Variants in BCAT1 observed in about 807,000 individuals in gnomAD.
BCAT1 encodes the protein branched-chain-amino-acid aminotransferase, cytosolic.
In BCAT1, 48 loss-of-function variants were observed where a neutral mutation model predicts 52.4. The observed-to-expected ratio is 0.92, with a 90% confidence interval of 0.73 to 1.16. BCAT1 has a LOEUF of 1.16. BCAT1 is among the 50% of genes most tolerant of loss of function. The pLI is 0.00. For synonymous variants in BCAT1, 167 were observed against 161.3 expected (o/e 1.04, Z -0.27); for missense variants, 451 against 457.1 (o/e 0.99, Z 0.12).
At chr12:24,939,093 C>T (rs993928111) in intron 1 of BCAT1, among the ~76,000 whole-genome samples, 9 of 152,160 alleles carry the variant, frequency 5.9e-5, no homozygotes, top group African/African-American at 1.9e-4. Context: ...AGGCTAGTCT[C>T]GAACTCCTGG....
At chr12:24,874,696 AG>A (rs1414122376) in intron 5 of BCAT1, among the ~76,000 whole-genome samples, 1 of 152,178 alleles carries the variant, frequency 6.6e-6, no homozygotes, top group Non-Finnish European at 1.5e-5. Flanking sequence ...ATCTCTGGAG[AG>A]TTTGTTGAAT....
intron 5 of BCAT1, among the ~76,000 whole-genome samples, chr12:24,864,963 C>T (rs114315490): frequency 0.015 from 2,350 of 152,258 alleles, 63 homozygotes; most frequent in African/African-American, 0.054. Context: ...TCCACTAAAC[C>T]TCTCTTGTTT....
At chr12:24,846,734 G>A (rs777121268) in intron 6 of BCAT1, among the ~76,000 whole-genome samples, 1 of 152,130 alleles carries the variant, frequency 6.6e-6, no homozygotes, top group Non-Finnish European at 1.5e-5. Flanking sequence ...GCTCAATTTG[G>A]ATTTCGAATT....
intron 2 of BCAT1, among the ~76,000 whole-genome samples, chr12:24,896,273 T>C (rs1428324325): frequency 6.6e-6 from 1 of 152,214 alleles, no homozygotes; most frequent in Admixed American, 6.5e-5. Context: ...ATCCCTTTTC[T>C]CTCCCGTTGT....
intron 10 of BCAT1, among the ~76,000 whole-genome samples, chr12:24,828,719 A>G (rs533004404): frequency 5.9e-5 from 9 of 152,340 alleles, no homozygotes; most frequent in African/African-American, 2.2e-4. Flanking sequence ...ATCTAAAAGT[A>G]TACTGGCTGG....
chr12:24,836,742 C>A, intron 7 of BCAT1, 146 bp from the exon 8 acceptor site: 13 of 556,804 alleles, frequency 2.3e-5, no homozygotes, highest in Non-Finnish European at 2.9e-5. Context: ...TCAAATTTCC[C>A]AAATCAGTTC....
At chr12:24,862,253 G>A (rs1021207446) in intron 5 of BCAT1, among the ~76,000 whole-genome samples, 3 of 152,156 alleles carry the variant, frequency 2.0e-5, no homozygotes, top group Non-Finnish European at 2.9e-5. Context: ...TCTTGTGTGA[G>A]ATCCAAGAAT....
intron 5 of BCAT1, among the ~76,000 whole-genome samples, chr12:24,862,623 C>T (rs78378654): frequency 0.026 from 3,887 of 152,260 alleles, 139 homozygotes; most frequent in African/African-American, 0.089. Flanking sequence ...GTGTGTGCCA[C>T]CCCTTCGTGA....
intron 7 of BCAT1, among the ~76,000 whole-genome samples, chr12:24,837,107 G>A (rs945494116): frequency 6.4e-5 from 7 of 109,932 alleles, no homozygotes; most frequent in Non-Finnish European, 1.4e-4. Context: ...AAGGAAGGAA[G>A]AAAGAGAAGG....
intron 1 of BCAT1, among the ~76,000 whole-genome samples, chr12:24,917,195 C>CTTTTTTTTTT (rs60491814): frequency 3.9e-5 from 4 of 103,556 alleles, no homozygotes; most frequent in East Asian, 3.1e-4. Context: ...GAGCTTTGGA[C>CTTTTTTTTTT]TTTTTTTTTT....
chr12:24,823,434 C>T (rs1017742134), intron 10 of BCAT1, among the ~76,000 whole-genome samples: 7 of 152,134 alleles, frequency 4.6e-5, no homozygotes, highest in Non-Finnish European at 1.0e-4. Flanking sequence ...AGAATAGCCC[C>T]TGCATATGGC....
At chr12:24,866,293 GGGCCAGATTTCTCGCCA>G (rs1391470248) in intron 5 of BCAT1, among the ~76,000 whole-genome samples, 84 of 152,312 alleles carry the variant, frequency 5.5e-4, no homozygotes, top group African/African-American at 1.9e-3. Flanking sequence ...ATTTCTCGCC[GGGCCAGATTTCTCGCCA>G]GGCCTTAGCT....
chr12:24,915,441 A>G (rs568030550), intron 1 of BCAT1, among the ~76,000 whole-genome samples: 55 of 152,354 alleles, frequency 3.6e-4, no homozygotes, highest in African/African-American at 1.3e-3. Flanking sequence ...CGCCTGTCAG[A>G]GCAATAGGAA....
chr12:24,877,646 A>G (rs939734651), intron 5 of BCAT1, among the ~76,000 whole-genome samples: 2 of 152,152 alleles, frequency 1.3e-5, no homozygotes, highest in Non-Finnish European at 2.9e-5. Context: ...ATGCCAAGTA[A>G]TCCCAAGACC....
chr12:24,914,100 G>C (rs1348027656), intron 1 of BCAT1, among the ~76,000 whole-genome samples: 1 of 104,068 alleles, frequency 9.6e-6, no homozygotes, highest in South Asian at 3.0e-4. Flanking sequence ...TTTTTTTTTT[G>C]AGATGGGGTC....
chr12:24,823,476 C>G (rs149442533), intron 10 of BCAT1, among the ~76,000 whole-genome samples: 1 of 152,250 alleles, frequency 6.6e-6, no homozygotes, highest in Admixed American at 6.5e-5. Context: ...AAGAGTTAAA[C>G]AAGAACATTT....
At chr12:24,910,723 A>T (rs2139700969) in intron 1 of BCAT1, among the ~76,000 whole-genome samples, 1 of 152,344 alleles carries the variant, frequency 6.6e-6, no homozygotes, top group Non-Finnish European at 1.5e-5. Flanking sequence ...CTTCTTGATG[A>T]TCAAAATTGT....
At position 24,842,208 on chromosome 12, in the gene BCAT1, G is replaced by A; in HGVS notation, c.691C>T (p.Leu231Phe). The A allele has an allele frequency of 1.9e-6, 3 of 1,613,892 alleles. No homozygotes were observed. The highest frequency in any genetic ancestry group is 2.5e-6 in the Non-Finnish European group (3 of 1,179,852). The change falls in exon 7 of 11, where the codon CTT becomes TTT. Residue 231 changes from leucine to phenylalanine, a missense_variant. Coordinates refer to ENST00000261192, the MANE Select transcript of BCAT1 (RefSeq NM_005504.7). ...CKMGGNYGSS[L>F]FAQCEAVDNG... is the part of the protein sequence containing the mutation. ...TCTACTGCTTCACATTGGGCAAAAA[G>A]AGATGAGCCGTAATTCCTTTAAGAA...
chr12:24,884,707 T>C (rs996434943), intron 3 of BCAT1, among the ~76,000 whole-genome samples: 1 of 152,224 alleles, frequency 6.6e-6, no homozygotes, highest in African/African-American at 2.4e-5. Flanking sequence ...TTCAGTATTA[T>C]AGATATAAGA....
Sources: allele counts gnomAD v4.1 joint callset (sites outside exome capture counted in the v4.1 genomes callset), GRCh38; gene constraint gnomAD v4.1.1; transcripts MANE v1.5; gene names NCBI Gene and HGNC (gene_info 2026-07-23, HGNC 2026-07-21).